CEP112: variants seen among roughly 807,000 people sequenced by gnomAD.
The protein encoded by CEP112 is centrosomal protein 112.
Under a neutral mutation model 153.0 loss-of-function variants are expected in CEP112, and 127 were observed. The observed-to-expected ratio is 0.83, with a 90% confidence interval of 0.72 to 0.96. The LOEUF is 0.96. CEP112 is among the 40% of genes least tolerant of loss of function. CEP112 has a pLI of 0.00. For synonymous variants in CEP112, 358 were observed against 374.4 expected, an observed-to-expected ratio of 0.96 and a Z score of 0.51; for missense variants, 1,089 against 1,101.2, an observed-to-expected ratio of 0.99 and a Z score of 0.16.
At chr17:66,010,462 C>A (rs1432333744) in intron 16 of CEP112, among the ~76,000 whole-genome samples, 1 of 152,088 alleles carries the variant, frequency 6.6e-6, no homozygotes, top group Non-Finnish European at 1.5e-5. Flanking sequence ...CTTTCTCCTG[C>A]CTGATTGGTC....
chr17:66,176,072 A>T (rs951692750), intron 3 of CEP112, among the ~76,000 whole-genome samples: 1 of 152,202 alleles, frequency 6.6e-6, no homozygotes, highest in Non-Finnish European at 1.5e-5. Flanking sequence ...GGAAAACAGG[A>T]ATTATTCTCT....
At chr17:65,761,880 G>C (rs2145398345) in intron 21 of CEP112, among the ~76,000 whole-genome samples, 1 of 152,194 alleles carries the variant, frequency 6.6e-6, no homozygotes, top group South Asian at 2.1e-4. Flanking sequence ...GTTGGATGAA[G>C]TAGTCCAAGA....
At chr17:65,937,395 T>A (rs1287772175) in intron 18 of CEP112, among the ~76,000 whole-genome samples, 1 of 111,592 alleles carries the variant, frequency 9.0e-6, no homozygotes, top group East Asian at 5.3e-4. Context: ...CGGCTGCCCA[T>A]CGTCTGAGAT....
At chr17:65,667,732 G>T (rs2046767098) in intron 24 of CEP112, among the ~76,000 whole-genome samples, 1 of 152,108 alleles carries the variant, frequency 6.6e-6, no homozygotes, top group Admixed American at 6.6e-5. Flanking sequence ...ATCAGTTTGT[G>T]ATATTTGTAT....
intron 24 of CEP112, among the ~76,000 whole-genome samples, chr17:65,688,078 T>C (rs963444918): frequency 6.6e-6 from 1 of 152,242 alleles, no homozygotes; most frequent in Admixed American, 6.5e-5. Context: ...GTGTAATTTA[T>C]TATAACCAGA....
intron 4 of CEP112, among the ~76,000 whole-genome samples, chr17:66,158,994 A>G (rs534184625): frequency 1.4e-4 from 22 of 152,264 alleles, no homozygotes; most frequent in African/African-American, 4.8e-4. Flanking sequence ...TCAAATAGAC[A>G]CAATAAAAAA....
At chr17:66,187,583 T>A (rs1425390494) in intron 1 of CEP112, among the ~76,000 whole-genome samples, 1 of 152,162 alleles carries the variant, frequency 6.6e-6, no homozygotes, top group Non-Finnish European at 1.5e-5. Context: ...GATCATTCCT[T>A]CTCGGTCTCT....
intron 23 of CEP112, among the ~76,000 whole-genome samples, chr17:65,706,569 C>T (rs1257642114): frequency 6.6e-6 from 1 of 152,216 alleles, no homozygotes; most frequent in African/African-American, 2.4e-5. Flanking sequence ...AGGTTCAAAA[C>T]TGGACGTATT....
In CEP112 at chr17:65,867,848, A is replaced by G. The variant is rs9906820; in HGVS notation, c.2164-15814T>C. On this transcript the variant is annotated intron_variant, in intron 20 of 26. Coordinates refer to ENST00000535342, the MANE Select transcript of CEP112 (RefSeq NM_001199165.4). ...GACTGCTGTCAAGTTGGAAATACTGAGAGATAACTTTTAGTGTCTGCAGCG... is the reference window on the plus strand; with the variant it reads ...GACTGCTGTCAAGTTGGAAATACTGGGAGATAACTTTTAGTGTCTGCAGCG... 2.8e-3 allele frequency among the ~76,000 whole-genome samples: 430 copies of G among 152,254 alleles called. 1 individual carries two copies. The highest frequency in any genetic ancestry group is 9.9e-3 in the African/African-American group (413 of 41,556).
At position 65,837,411 on chromosome 17, in the gene CEP112, C is replaced by T. The variant is rs990998224; in HGVS notation, c.2394+14393G>A. The stretch of plus-strand genomic sequence containing the variant: ...TGAGATGTGGGGAGCGCCTCTGCCC[C>T]GCCGCCCCATCTGAAATGTGAAGAG... On this transcript the variant is annotated intron_variant, in intron 21 of 26. Coordinates refer to ENST00000535342, the MANE Select transcript of CEP112 (RefSeq NM_001199165.4). 1.7e-4 allele frequency among the ~76,000 whole-genome samples: 26 copies of T among 151,860 alleles called. No individual in the cohort carries two copies. In the East Asian group the frequency reaches 2.9e-3, roughly 17 times the overall value.
At chr17:65,811,439 AG>A (rs1301002402) in intron 21 of CEP112, among the ~76,000 whole-genome samples, 1 of 152,218 alleles carries the variant, frequency 6.6e-6, no homozygotes, top group Non-Finnish European at 1.5e-5. Context: ...GAGGGCAGAG[AG>A]AATGGAATGC....
intron 21 of CEP112, among the ~76,000 whole-genome samples, chr17:65,831,470 TG>T (rs1437555690): frequency 1.3e-5 from 2 of 150,484 alleles, no homozygotes; most frequent in African/African-American, 4.9e-5. Context: ...GGCAGGAGAA[TG>T]GTCAGAACCC....
intron 21 of CEP112, among the ~76,000 whole-genome samples, chr17:65,799,801 C>T (rs1300531579): frequency 6.6e-6 from 1 of 152,226 alleles, no homozygotes; most frequent in Non-Finnish European, 1.5e-5. Flanking sequence ...TACCTTTCTA[C>T]CCTTCTACCA....
intron 24 of CEP112, among the ~76,000 whole-genome samples, chr17:65,649,889 T>C (rs1387498265): frequency 6.6e-6 from 1 of 152,180 alleles, no homozygotes; most frequent in Admixed American, 6.5e-5. Flanking sequence ...ATACATTCAA[T>C]ACATTCATCT....
chr17:65,719,184 C>T (rs772516647), intron 23 of CEP112, among the ~76,000 whole-genome samples: 2 of 152,206 alleles, frequency 1.3e-5, no homozygotes, highest in Non-Finnish European at 2.9e-5. Flanking sequence ...CTGTTCTTGC[C>T]AGGATTAGGG....
At chr17:65,650,576 T>C (rs1212390213) in intron 24 of CEP112, among the ~76,000 whole-genome samples, 1 of 151,910 alleles carries the variant, frequency 6.6e-6, no homozygotes, top group Non-Finnish European at 1.5e-5. Flanking sequence ...TGTTTCTACA[T>C]CACAGAGATG....
chr17:66,029,402 T>C (rs1180327437), intron 13 of CEP112, 150 bp from the exon 14 acceptor site: 2 of 724,732 alleles, frequency 2.8e-6, no homozygotes. Context: ...ACATTCTGCT[T>C]ATGTTAAAAA....
At chr17:65,813,224 G>C (rs2056081045) in intron 21 of CEP112, among the ~76,000 whole-genome samples, 1 of 152,016 alleles carries the variant, frequency 6.6e-6, no homozygotes, top group Non-Finnish European at 1.5e-5. Flanking sequence ...TAAGTCAAAT[G>C]GATCTAAGAT....
intron 8 of CEP112, among the ~76,000 whole-genome samples, chr17:66,076,673 G>A (rs755441150): frequency 2.6e-5 from 4 of 152,238 alleles, no homozygotes; most frequent in African/African-American, 4.8e-5. Context: ...CTAGGGCCAC[G>A]TCCACCACTG....
Sources: gnomAD v4.1 joint callset for allele counts (sites outside exome capture counted in the v4.1 genomes callset) on GRCh38, gnomAD v4.1.1 for gene constraint, MANE v1.5 for transcripts, NCBI Gene and HGNC (gene_info 2026-07-23, HGNC 2026-07-21) for gene names.